The following FRS2 variants were observed in gnomAD, a reference collection of about 807,000 sequenced individuals.
The protein encoded by FRS2 is fibroblast growth factor receptor substrate 2, also known as FGFR signalling adaptor.
A neutral mutation model predicts 43.9 loss-of-function variants in FRS2; 8 were observed. That is an observed-to-expected ratio of 0.18 (90% confidence interval 0.11 to 0.33). The LOEUF (loss-of-function observed/expected upper bound fraction) is 0.33. Ranked by LOEUF, FRS2 falls within the 10% of genes least tolerant of loss-of-function variation. The pLI is 1.00. For missense variants in FRS2, 534 were observed against 627.6 expected (o/e 0.85, Z 1.59); for synonymous variants, 219 against 220.3 (o/e 0.99, Z 0.05).
Position 69,536,101 on chromosome 12 carries a change from C to CTTTTT in FRS2, c.-122+4081_-122+4085dup, listed in dbSNP as rs71094720. Among the ~76,000 whole-genome samples, 19 of 37,196 alleles carry CTTTTT rather than the reference C, an allele frequency of 5.1e-4. 2 individuals are homozygous for CTTTTT. Among genetic ancestry groups the CTTTTT allele is most frequent in the South Asian group, 9.8e-4 (1 of 1,022 alleles). The allele number at this position is 37,196 out of a possible 152,430, so 24.4% of individuals were successfully genotyped here. ...TTTTGGTTACTGTAGTATTTTCATT[C>CTTTTT]TTTTTTTTTTTTTTTTTTTTTTTTT... On this transcript the variant is annotated intron_variant, in intron 3 of 8. Coordinates refer to ENST00000549921, the MANE Select transcript of FRS2 (RefSeq NM_001278356.2).
At chr12:69,512,111 G>T (rs1286565665) in intron 1 of FRS2, among the ~76,000 whole-genome samples, 1 of 152,158 alleles carries the variant, frequency 6.6e-6, no homozygotes, top group East Asian at 1.9e-4. Flanking sequence ...TCTTAGGTTT[G>T]CCTTCCTTGC....
chr12:69,485,643 C>T (rs191527415), intron 1 of FRS2, among the ~76,000 whole-genome samples: 4 of 151,898 alleles, frequency 2.6e-5, no homozygotes, highest in Admixed American at 1.3e-4. Flanking sequence ...CTTTCATGCC[C>T]GGCTAATCAA....
At chr12:69,541,604 T>A (rs1379181713) in intron 3 of FRS2, among the ~76,000 whole-genome samples, 1 of 152,016 alleles carries the variant, frequency 6.6e-6, no homozygotes, top group East Asian at 1.9e-4. Context: ...GGCAAGTGGA[T>A]CACTTGAGCC....
chr12:69,525,618 G>T (rs901246673), intron 1 of FRS2, among the ~76,000 whole-genome samples: 1 of 151,868 alleles, frequency 6.6e-6, no homozygotes, highest in Non-Finnish European at 1.5e-5. Flanking sequence ...GTTTATAATT[G>T]GTATCTTGAG....
chr12:69,534,708 C>T (rs1877111590), intron 3 of FRS2, among the ~76,000 whole-genome samples: 1 of 152,126 alleles, frequency 6.6e-6, no homozygotes, highest in African/African-American at 2.4e-5. Flanking sequence ...GCTGTGTGGG[C>T]AGCATGTAGA....
chr12:69,504,153 T>C (rs962324439), intron 1 of FRS2, among the ~76,000 whole-genome samples: 9 of 152,170 alleles, frequency 5.9e-5, no homozygotes, highest in African/African-American at 2.2e-4. Context: ...TTCATTCCGA[T>C]GAGTGAGACA....
At chr12:69,553,362 C>A (rs572965765) in intron 3 of FRS2, among the ~76,000 whole-genome samples, 202 of 152,256 alleles carry the variant, frequency 1.3e-3, no homozygotes, top group African/African-American at 4.6e-3. Flanking sequence ...TGAGCCACTG[C>A]GCCTGGCCCA....
chr12:69,572,083 C>A (rs1880811702), intron 7 of FRS2, 35 bp from the exon 8 acceptor site: 3 of 1,577,550 alleles, frequency 1.9e-6, no homozygotes, highest in Non-Finnish European at 1.7e-6. Context: ...TCTGCCCCGC[C>A]CCCCTTTTCC....
At chr12:69,564,834 T>G (rs1180673922) in intron 4 of FRS2, among the ~76,000 whole-genome samples, 1 of 152,222 alleles carries the variant, frequency 6.6e-6, no homozygotes, top group Non-Finnish European at 1.5e-5. Flanking sequence ...TGGTTTTCCA[T>G]CATGTGTAGG....
chr12:69,557,307 T>C (rs970723919), intron 3 of FRS2, among the ~76,000 whole-genome samples: 3 of 152,168 alleles, frequency 2.0e-5, no homozygotes, highest in Admixed American at 6.5e-5. Context: ...TCTACAATGT[T>C]TACAGAAAAC....
intron 1 of FRS2, among the ~76,000 whole-genome samples, chr12:69,501,356 G>A (rs768473895): frequency 6.6e-6 from 1 of 152,154 alleles, no homozygotes; most frequent in Non-Finnish European, 1.5e-5. Flanking sequence ...GTGATTCTGT[G>A]GGGGTGGAAA....
intron 8 of FRS2, among the ~76,000 whole-genome samples, chr12:69,573,515 T>C (rs1173323424): frequency 6.6e-6 from 1 of 151,710 alleles, no homozygotes; most frequent in East Asian, 1.9e-4. Context: ...AGGCTGATAA[T>C]GTAATGGTGT....
intron 3 of FRS2, among the ~76,000 whole-genome samples, chr12:69,536,673 C>T (rs552593277): frequency 1.6e-4 from 24 of 151,620 alleles, no homozygotes; most frequent in African/African-American, 5.6e-4. Context: ...CTGGACTCAA[C>T]GATCCTCCCA....
intron 1 of FRS2, among the ~76,000 whole-genome samples, chr12:69,522,884 C>G (rs1258871405): frequency 6.6e-6 from 1 of 152,158 alleles, no homozygotes; most frequent in Non-Finnish European, 1.5e-5. Context: ...TTCCATGTAA[C>G]TAAGGTTTTG....
intron 1 of FRS2, among the ~76,000 whole-genome samples, chr12:69,520,255 G>T (rs1297200360): frequency 6.6e-6 from 1 of 151,900 alleles, no homozygotes. Context: ...TAATGGGGTT[G>T]CTTTTCTCTT....
chr12:69,570,238 T>C, intron 5 of FRS2, 93 bp from the exon 6 acceptor site: 2 of 913,652 alleles, frequency 2.2e-6, no homozygotes, highest in Admixed American at 3.6e-5. Flanking sequence ...GGTTGATGAA[T>C]GAACTAACAA....
At chr12:69,521,646 C>T (rs187168692) in intron 1 of FRS2, among the ~76,000 whole-genome samples, 65 of 151,974 alleles carry the variant, frequency 4.3e-4, no homozygotes, top group Admixed American at 2.9e-3. Flanking sequence ...GATGGAGTCT[C>T]GCTCTTTCAC....
At position 69,526,991 on chromosome 12, in the gene FRS2, A is replaced by G. The variant is rs183014671; in HGVS notation, c.-260-3874A>G. Among the ~76,000 whole-genome samples, 356 of 152,246 alleles carry G rather than the reference A, an allele frequency of 2.3e-3. 1 individual carries two copies. The highest frequency in any genetic ancestry group is 8.1e-3 in the African/African-American group (338 of 41,550). ...ACCCGCCTTGGCCTCCCAAAGTGCT[A>G]GGATTACAGGCCTGAGCCACCGCGT... On this transcript the variant is annotated intron_variant, in intron 1 of 8. Coordinates refer to ENST00000549921, the MANE Select transcript of FRS2 (RefSeq NM_001278356.2).
chr12:69,518,256 A>G (rs1875257440), intron 1 of FRS2, among the ~76,000 whole-genome samples: 1 of 152,228 alleles, frequency 6.6e-6, no homozygotes, highest in African/African-American at 2.4e-5. Context: ...TGTCTTTTGT[A>G]CAATTCCCAC....
Sources: gnomAD v4.1 joint callset for allele counts (sites outside exome capture counted in the v4.1 genomes callset) on GRCh38, gnomAD v4.1.1 for gene constraint, MANE v1.5 for transcripts, NCBI Gene and HGNC (gene_info 2026-07-23, HGNC 2026-07-21) for gene names.